Variants in COG5 observed in about 807,000 individuals in gnomAD.
COG5 encodes the protein conserved oligomeric Golgi complex subunit 5.
Under a neutral mutation model 110.4 loss-of-function variants are expected in COG5, and 86 were observed. The ratio of observed to expected loss-of-function variants is 0.78; its 90% CI spans 0.65 to 0.93. The LOEUF (loss-of-function observed/expected upper bound fraction) is 0.93, where lower values mean the gene tolerates loss of function less well. COG5 is among the 40% of genes least tolerant of loss of function. COG5 has a pLI of 0.00. For synonymous variants in COG5, 360 were observed against 334.6 expected (o/e 1.08, Z -0.83); for missense variants, 1,077 against 987.0 (o/e 1.09, Z -1.22).
chr7:107,383,240 G>A (rs1815285047), intron 7 of COG5, among the ~76,000 whole-genome samples: 1 of 152,104 alleles, frequency 6.6e-6, no homozygotes, highest in South Asian at 2.1e-4. Flanking sequence ...TTAATGATAA[G>A]GAGTCCATGC....
chr7:107,413,173 C>T (rs188162006), intron 6 of COG5, among the ~76,000 whole-genome samples: 1 of 149,372 alleles, frequency 6.7e-6, no homozygotes, highest in Admixed American at 6.8e-5. Flanking sequence ...CCTGGCATCA[C>T]ATCCAACTAT....
chr7:107,207,731 C>A (rs1798883067), intron 21 of COG5: 1 of 978,662 alleles, frequency 1.0e-6, no homozygotes, highest in Admixed American at 6.1e-5. Context: ...CAACTGCCCC[C>A]ATTTACACCA....
intron 6 of COG5, among the ~76,000 whole-genome samples, chr7:107,426,942 A>G (rs1245354143): frequency 6.6e-6 from 1 of 152,186 alleles, no homozygotes; most frequent in Non-Finnish European, 1.5e-5. Context: ...AAGGAACTGG[A>G]GTTCTGGAGA....
At chr7:107,382,880 C>T (rs932636884) in intron 7 of COG5, among the ~76,000 whole-genome samples, 5 of 152,116 alleles carry the variant, frequency 3.3e-5, no homozygotes, top group African/African-American at 9.7e-5. Flanking sequence ...AAGTTTTCGC[C>T]TACATTTTAG....
chr7:107,298,125 A>G lies in COG5; in HGVS notation c.1313+17T>C. 1.4e-6 allele frequency: 2 copies of G among 1,407,850 alleles called. No homozygotes were observed. Among genetic ancestry groups the G allele is most frequent in the Non-Finnish European group, 1.9e-6 (2 of 1,038,874 alleles). 87.2% of individuals were successfully genotyped at this position (1,407,850 alleles called of 1,614,324 possible). On this transcript the variant is annotated intron_variant, in intron 12 of 21. Transcript: ENST00000297135. ...AAATTAAGATGCCAACTAACAGGTC[A>G]AATTAAACAAACATACTCATAATCT... is the stretch of plus-strand genomic sequence containing the variant.
intron 5 of COG5, among the ~76,000 whole-genome samples, chr7:107,536,387 A>C (rs981864278): frequency 6.6e-6 from 1 of 152,220 alleles, no homozygotes; most frequent in Non-Finnish European, 1.5e-5. Flanking sequence ...TCTCAGCCCA[A>C]AAACTCCTTA....
At chr7:107,464,491 C>G (rs1796183806) in intron 6 of COG5, among the ~76,000 whole-genome samples, 1 of 152,202 alleles carries the variant, frequency 6.6e-6, no homozygotes. Context: ...TTACTCTGTA[C>G]TACTACCCCA....
chr7:107,512,573 G>A (rs1362962454), intron 6 of COG5, among the ~76,000 whole-genome samples: 1 of 152,140 alleles, frequency 6.6e-6, no homozygotes, highest in African/African-American at 2.4e-5. Flanking sequence ...AACCAAAAAA[G>A]AGCCCACATT....
intron 10 of COG5, among the ~76,000 whole-genome samples, chr7:107,325,225 T>G (rs1809660529): frequency 6.6e-6 from 1 of 152,202 alleles, no homozygotes; most frequent in Non-Finnish European, 1.5e-5. Flanking sequence ...TTTAACACTG[T>G]TAAAATAGAA....
chr7:107,415,846 A>G (rs1485424165), intron 6 of COG5, among the ~76,000 whole-genome samples: 18 of 96,206 alleles, frequency 1.9e-4, no homozygotes, highest in Non-Finnish European at 2.8e-4. Flanking sequence ...GTGTGTGTAT[A>G]TATACACACA....
At chr7:107,366,740 G>C (rs1469973475) in intron 8 of COG5, among the ~76,000 whole-genome samples, 2 of 152,184 alleles carry the variant, frequency 1.3e-5, no homozygotes, top group African/African-American at 4.8e-5. Context: ...TTCATATGAA[G>C]GGACTTCAGC....
intron 5 of COG5, among the ~76,000 whole-genome samples, chr7:107,535,027 G>T (rs1436630993): frequency 6.6e-6 from 1 of 151,496 alleles, no homozygotes; most frequent in Non-Finnish European, 1.5e-5. Context: ...TCTCAAAACC[G>T]CACAACTATA....
chr7:107,369,384 CTTTTTTTT>C (rs567770114), intron 8 of COG5, among the ~76,000 whole-genome samples: 1 of 103,160 alleles, frequency 9.7e-6, no homozygotes, highest in Non-Finnish European at 1.9e-5. Context: ...AACAAAAATT[CTTTTTTTT>C]TTTTTTTTTT....
chr7:107,562,267 C>T (rs536346755), intron 1 of COG5, among the ~76,000 whole-genome samples: 4 of 152,204 alleles, frequency 2.6e-5, no homozygotes, highest in African/African-American at 9.7e-5. Flanking sequence ...GAAGGCAGAA[C>T]TGAAGAGTAT....
chr7:107,484,338 G>A (rs1261485163), intron 6 of COG5, among the ~76,000 whole-genome samples: 2 of 152,166 alleles, frequency 1.3e-5, no homozygotes, highest in Non-Finnish European at 2.9e-5. Flanking sequence ...TACAAGAGGT[G>A]AGCCACAAAT....
intron 19 of COG5, among the ~76,000 whole-genome samples, chr7:107,212,379 G>GC (rs1799245836): frequency 1.3e-5 from 2 of 152,340 alleles, no homozygotes; most frequent in African/African-American, 2.4e-5. Context: ...AAAATGTGAT[G>GC]CACCTGCCTT....
At chr7:107,220,142 T>C (rs1242703008) in intron 19 of COG5, among the ~76,000 whole-genome samples, 1 of 152,214 alleles carries the variant, frequency 6.6e-6, no homozygotes, top group Non-Finnish European at 1.5e-5. Flanking sequence ...CTGTAGCAAC[T>C]ACTCATCCTA....
intron 7 of COG5, among the ~76,000 whole-genome samples, chr7:107,406,489 A>G (rs996167158): frequency 1.3e-5 from 2 of 152,208 alleles, no homozygotes; most frequent in African/African-American, 2.4e-5. Flanking sequence ...CAGTCTCTTA[A>G]TTTTTAATAT....
chr7:107,403,871 T>C (rs1204300315), intron 7 of COG5, among the ~76,000 whole-genome samples: 1 of 152,012 alleles, frequency 6.6e-6, no homozygotes, highest in Non-Finnish European at 1.5e-5. Context: ...GAAGTGACAA[T>C]TTATCTGCAA....
Sources: allele counts gnomAD v4.1 joint callset (sites outside exome capture counted in the v4.1 genomes callset), GRCh38; gene constraint gnomAD v4.1.1; transcripts MANE v1.5; gene names NCBI Gene and HGNC (gene_info 2026-07-23, HGNC 2026-07-21).